Variants in STK11IP observed in about 807,000 individuals in gnomAD.
STK11IP encodes the protein serine/threonine-protein kinase 11-interacting protein.
A neutral mutation model predicts 131.7 loss-of-function variants in STK11IP; 103 were observed. The observed-to-expected ratio is 0.78, with a 90% CI of 0.67 to 0.92. The LOEUF (loss-of-function observed/expected upper bound fraction) is 0.92. Among genes scored for constraint, STK11IP ranks in the 40% least tolerant of loss-of-function variants. STK11IP has a pLI of 0.00. For synonymous variants in STK11IP, 557 were observed against 575.6 expected, an observed-to-expected ratio of 0.97 and a Z score of 0.46; for missense variants, 1,315 against 1,385.7, an observed-to-expected ratio of 0.95 and a Z score of 0.81.
In STK11IP at chr2:219,608,735, G is replaced by A; in HGVS notation, c.1756G>A (p.Glu586Lys). ...TLERLELQSL[E>K]AAEIEPEAQA... ...GGAGCGACTGGAGCTCCAGAGTCTG[G>A]AGGCAGCTGAGATAGAGCCGGAGGC... Residue 586 changes from glutamate to lysine, a missense_variant, in exon 15 of 25, where the codon GAG becomes AAG. Transcript: ENST00000456909. The A allele has an allele frequency of 6.2e-7, 1 of 1,612,568 alleles. No individual in the cohort carries two copies. Among genetic ancestry groups the A allele is most frequent in the Non-Finnish European group, 8.5e-7 (1 of 1,179,536 alleles).
At position 219,613,139 on chromosome 2, in the gene STK11IP, AT is replaced by A. The variant is rs1356796759; in HGVS notation, c.2453del (p.Leu818TrpfsTer22). On this transcript the variant is annotated frameshift_variant, in exon 20 of 25. Transcript: ENST00000456909. LOFTEE classifies it high-confidence loss of function. ...FQCCLKVPVA[L>X]AGHTGEFMCL... is the part of the protein sequence containing the mutation. Reference sequence around the variant, plus strand: ...TCCTCTTCCCCCAGGTGCCAGTGGCATTGGCAGGCCACACTGGGGAGTTCAT... The same window carrying A: ...TCCTCTTCCCCCAGGTGCCAGTGGCATGGCAGGCCACACTGGGGAGTTCAT... The A allele has an allele frequency of 6.2e-7, 1 of 1,610,816 alleles. No individual in the cohort carries two copies. The highest frequency in any genetic ancestry group is 8.5e-7 in the Non-Finnish European group (1 of 1,178,582).
At chr2:219,601,937 C>CT in intron 4 of STK11IP, 51 bp from the exon 5 acceptor site, 3 of 1,505,938 alleles carry the variant, frequency 2.0e-6, no homozygotes, top group Non-Finnish European at 2.7e-6. Flanking sequence ...GGGATGAGGT[C>CT]TTTGTCTTCT....
chr2:219,610,765 A>G (rs1698370937), intron 17 of STK11IP, among the ~76,000 whole-genome samples: 1 of 152,218 alleles, frequency 6.6e-6, no homozygotes, highest in East Asian at 1.9e-4. Context: ...AACTCACCCC[A>G]TGGTGCTGTT....
In STK11IP at chr2:219,609,343, T is replaced by A. The variant is rs553991546; in HGVS notation, c.1927-20T>A. On this transcript the variant is annotated intron_variant, in intron 16 of 24. Transcript: ENST00000456909. ...TGGGGTCCGCCTGCTCACAGCTGCC[T>A]CTGATCCACCCTCTGTCAGGAGCTG... 3 of 1,612,294 alleles carry A rather than the reference T, an allele frequency of 1.9e-6. No homozygotes were observed. The South Asian group carries it at 3.3e-5, about 18-fold the overall frequency.
chr2:219,601,976 T>G lies in STK11IP; in HGVS notation c.343-12T>G, dbSNP rs967726613. On this transcript the variant is annotated splice_polypyrimidine_tract_variant and intron_variant, in intron 4 of 24. Coordinates refer to ENST00000456909, the MANE Select transcript of STK11IP (RefSeq NM_052902.4). ...GGGTTCTGCCTTCCTCCCTCCTCTT[T>G]CCTTGTCCCAGCTCCGAGGTGTTCC... The G allele has an allele frequency of 6.2e-7, 1 of 1,604,420 alleles. No homozygotes were observed. The highest frequency in any genetic ancestry group is 1.1e-5 in the South Asian group (1 of 89,078).
At chr2:219,603,886 A>G (rs577732461) in intron 7 of STK11IP, among the ~76,000 whole-genome samples, 5 of 152,180 alleles carry the variant, frequency 3.3e-5, no homozygotes, top group Non-Finnish European at 5.9e-5. Flanking sequence ...ACCTGAACTG[A>G]ACGCCACTTC....
intron 21 of STK11IP, 95 bp downstream of exon 21, chr2:219,614,025 A>G: frequency 6.7e-7 from 1 of 1,494,150 alleles, no homozygotes; most frequent in Non-Finnish European, 9.1e-7. Context: ...GCGGAGACAG[A>G]GAGGTAACAG....
rs368327458 is a variant in STK11IP at position 219,597,878 on chromosome 2, G to A, written c.-72G>A. The A allele has an allele frequency of 9.5e-5, 152 of 1,605,668 alleles. No individual in the cohort carries two copies. The African/African-American group carries it at 1.9e-3, about 20-fold the overall frequency. On this transcript the variant is annotated 5_prime_UTR_variant, in exon 1 of 25. Coordinates refer to ENST00000456909, the MANE Select transcript of STK11IP (RefSeq NM_052902.4). ...CGGGACTTCCTTTCCATCATTGATA[G>A]GCGCCGGGCAGCTGAGCTGGTAGGA...
chr2:219,607,815 G>T (rs1253098054), intron 13 of STK11IP, among the ~76,000 whole-genome samples: 1 of 152,210 alleles, frequency 6.6e-6, no homozygotes, highest in Non-Finnish European at 1.5e-5. Flanking sequence ...ATGCTATCAT[G>T]TATGCTGAGT....
Position 219,609,496 on chromosome 2 carries a change from G to C in STK11IP, c.2060G>C (p.Gly687Ala). The C allele has an allele frequency of 6.3e-7, 1 of 1,596,714 alleles. No individual in the cohort carries two copies. The highest frequency in any genetic ancestry group is 1.3e-5 in the African/African-American group (1 of 74,786). ...TTCAAGCCAGAGGAGCCCAGGATGG[G>C]ATTAGACAGTGAGGAAGGCTGGAGG... ...HEFKPEEPRM[G>A]LDSEEGWRPL... The change falls in exon 17 of 25, where the codon GGA becomes GCA. Residue 687 changes from glycine to alanine, a missense_variant. By Grantham distance (60) the Gly-to-Ala change is moderately conservative. Transcript: ENST00000456909.
chr2:219,608,161 C>T lies in STK11IP; in HGVS notation c.1334C>T (p.Pro445Leu), dbSNP rs569362610. The T allele has an allele frequency of 1.4e-5, 22 of 1,613,598 alleles. No homozygotes were observed. Among genetic ancestry groups the T allele is most frequent in the African/African-American group, 5.3e-5 (4 of 75,038 alleles). ...CTGGAGCCCTCCGGAAACCCTCTGC[C>T]GGCCACCCCCACTACTTCTGCACCC... ...SHLEPSGNPL[P>L]ATPTTSAPSA... Residue 445 changes from proline (P) to leucine (L), a missense_variant, in exon 14 of 25, where the codon CCG becomes CTG. Pro to Leu is a moderately conservative substitution (Grantham distance 98). Transcript: ENST00000456909.
intron 2 of STK11IP, among the ~76,000 whole-genome samples, chr2:219,599,187 G>C (rs1201714116): frequency 2.0e-5 from 3 of 152,010 alleles, no homozygotes; most frequent in African/African-American, 7.2e-5. Flanking sequence ...CTCCTGGGAC[G>C]AAGTGATTCT....
At chr2:219,609,667 G>C in intron 17 of STK11IP, 127 bp downstream of exon 17, 1 of 1,121,448 alleles carries the variant, frequency 8.9e-7, no homozygotes, top group Non-Finnish European at 1.3e-6. Context: ...CAGTTGTTCT[G>C]CCTGGAGGAA....
Position 219,616,212 on chromosome 2 carries a change from G to C in STK11IP, c.*19G>C, listed in dbSNP as rs1346403606. 2 of 1,608,898 alleles carry C rather than the reference G, an allele frequency of 1.2e-6. No individual in the cohort carries two copies. The highest frequency in any genetic ancestry group is 1.7e-4 in the Middle Eastern group (1 of 6,050). On this transcript the variant is annotated 3_prime_UTR_variant, in exon 25 of 25. Transcript: ENST00000456909. ...CCGATGAGGGTCCCACGCTGACCTT[G>C]GCCCTGACCTCAGGAGCCACGCTGT... is the stretch of plus-strand genomic sequence containing the variant.
In STK11IP at chr2:219,615,273, A is replaced by G. The variant is rs753229778; in HGVS notation, c.3049A>G (p.Ser1017Gly). 1.9e-6 allele frequency: 3 copies of G among 1,599,822 alleles called. No homozygotes were observed. The highest frequency in any genetic ancestry group is 2.2e-5 in the South Asian group (2 of 90,024). Residue 1017 changes from serine (S) to glycine (G), a missense_variant, in exon 24 of 25, where the codon AGC (serine) becomes GGC (glycine). Coordinates refer to ENST00000456909, the MANE Select transcript of STK11IP (RefSeq NM_052902.4). Reference protein sequence around the residue: ...AVRVREQQPLSSLSSVLLYRS... With the variant: ...AVRVREQQPLGSLSSVLLYRS... The stretch of plus-strand genomic sequence containing the variant: ...GCGTGTCAGGGAGCAGCAGCCACTC[A>G]GCAGCCTGAGCTCCGTGCTGCTCTA...
chr2:219,611,972 C>T lies in STK11IP; in HGVS notation c.2353C>T (p.Leu785Phe). 6.3e-7 allele frequency: 1 copy of T among 1,599,196 alleles called. No homozygotes were observed. Among genetic ancestry groups the T allele is most frequent in the Non-Finnish European group, 8.5e-7 (1 of 1,173,946 alleles). Residue 785 changes from leucine (L) to phenylalanine (F), a missense_variant, in exon 19 of 25, where the codon CTC becomes TTC. Physicochemically the swap from Leu to Phe is conservative, Grantham distance 22. Transcript: ENST00000456909. Reference sequence around the variant, plus strand: ...GCCCTCAGCCCCTGAGCGCTGTGGCCTCCGCTCTGTGGACCACCGACTCCG... The same window carrying T: ...GCCCTCAGCCCCTGAGCGCTGTGGCTTCCGCTCTGTGGACCACCGACTCCG... ...SLSPPPERCG[L>F]RSVDHRLRLF...
At chr2:219,604,830 CT>C (rs1037544901) in intron 7 of STK11IP, among the ~76,000 whole-genome samples, 715 of 141,186 alleles carry the variant, frequency 5.1e-3, no homozygotes, top group Middle Eastern at 7.2e-3. Context: ...GACTTTTTTC[CT>C]TTTTTTTTTT....
intron 3 of STK11IP, 68 bp downstream of exon 3, chr2:219,601,508 G>T (rs1166284098): frequency 1.3e-6 from 2 of 1,580,154 alleles, no homozygotes; most frequent in Non-Finnish European, 8.6e-7. Context: ...TGGGGATAGG[G>T]TAGGGGTGCA....
chr2:219,608,242 C>A lies in STK11IP; in HGVS notation c.1415C>A (p.Pro472Gln), dbSNP rs534474699. Residue 472 changes from proline (P) to glutamine (Q), a missense_variant, in exon 14 of 25, where the codon CCG becomes CAG. Transcript: ENST00000456909. ...GACACTGCACCCAGACCTTCACCCC[C>A]GCAGGAGGAAGCCAGAGGCCCCCAG... ...GPDTAPRPSP[P>Q]QEEARGPQES... 6.8e-6 allele frequency: 11 copies of A among 1,613,502 alleles called. No individual in the cohort carries two copies. Among genetic ancestry groups the A allele is most frequent in the African/African-American group, 6.7e-5 (5 of 74,936 alleles).
Sources: allele counts gnomAD v4.1 joint callset (sites outside exome capture counted in the v4.1 genomes callset), GRCh38; gene constraint gnomAD v4.1.1; transcripts MANE v1.5; gene names NCBI Gene and HGNC (gene_info 2026-07-23, HGNC 2026-07-21).